The following FAM227B variants were observed in gnomAD, a reference collection of about 807,000 sequenced individuals.
The protein encoded by FAM227B is protein FAM227B.
In FAM227B, 88 loss-of-function variants were observed where a neutral mutation model predicts 73.8. That is an observed-to-expected ratio of 1.19 (90% CI 1.00 to 1.42). The LOEUF (loss-of-function observed/expected upper bound fraction) is 1.42. Among genes scored for constraint, FAM227B ranks in the 40% most tolerant of loss-of-function variants. The pLI, the probability that FAM227B is intolerant of heterozygous loss-of-function variation, is 0.00. For missense variants in FAM227B, 632 were observed against 590.9 expected, an observed-to-expected ratio of 1.07 and a Z score of -0.72; for synonymous variants, 210 against 190.5, an observed-to-expected ratio of 1.10 and a Z score of -0.84.
chr15:49,516,464 T>C (rs1359482226), intron 10 of FAM227B, among the ~76,000 whole-genome samples: 1 of 151,982 alleles, frequency 6.6e-6, no homozygotes, highest in African/African-American at 2.4e-5. Context: ...AGATTTTGGA[T>C]TGGTGCCTAC....
intron 12 of FAM227B, among the ~76,000 whole-genome samples, chr15:49,368,678 G>A (rs144936456): frequency 2.0e-4 from 30 of 152,232 alleles, no homozygotes; most frequent in African/African-American, 6.3e-4. Flanking sequence ...ACTAGCCCAA[G>A]CTCAGTTTAG....
chr15:49,585,250 T>C (rs905656109), intron 5 of FAM227B, among the ~76,000 whole-genome samples: 2 of 152,192 alleles, frequency 1.3e-5, no homozygotes, highest in Non-Finnish European at 2.9e-5. Context: ...GTGGGGACTG[T>C]AAACTAGTTC....
At chr15:49,378,247 T>C (rs183280142) in intron 11 of FAM227B, among the ~76,000 whole-genome samples, 1 of 151,970 alleles carries the variant, frequency 6.6e-6, no homozygotes, top group African/African-American at 2.4e-5. Context: ...TACCATGCTG[T>C]TTTGGTTCCT....
intron 3 of FAM227B, among the ~76,000 whole-genome samples, chr15:49,591,018 C>CTT (rs2076496160): frequency 8.1e-6 from 1 of 123,212 alleles, no homozygotes; most frequent in East Asian, 3.0e-4. Flanking sequence ...CTTTCTCTTT[C>CTT]TCTTTTTTTT....
Position 49,615,123 on chromosome 15 carries a change from C to T in FAM227B, c.49G>A (p.Gly17Arg), listed in dbSNP as rs144125881. ...CQRRSSRAGP[G>R]KMQEPPKSIE... ...TAAAGCTGTGGAAGCTTCCTTACCC[C>T]GGGGCCAGCTCTGCTGCTCCTCCTT... is the stretch of plus-strand genomic sequence containing the variant. Residue 17 changes from glycine (G) to arginine (R), a missense_variant and splice_region_variant, in exon 2 of 16, where the codon GGG becomes AGG. Transcript: ENST00000299338. 147 of 1,613,798 alleles carry T rather than the reference C, an allele frequency of 9.1e-5. 1 individual carries two copies. The highest frequency in any genetic ancestry group is 1.7e-4 in the Middle Eastern group (1 of 6,060).
chr15:49,568,230 A>G lies in FAM227B; in HGVS notation c.747+15T>C, dbSNP rs746627220. ...TTTAAAAATAATTAGCATAACTGTT[A>G]ATTTCAATGCTTACCTGAAAAAATG... On this transcript the variant is annotated intron_variant, in intron 9 of 15. Coordinates refer to ENST00000299338, the MANE Select transcript of FAM227B (RefSeq NM_152647.3). 7.8e-5 allele frequency: 123 copies of G among 1,575,656 alleles called. No individual in the cohort carries two copies. The highest frequency in any genetic ancestry group is 9.6e-5 in the Non-Finnish European group (111 of 1,152,022).
intron 11 of FAM227B, among the ~76,000 whole-genome samples, chr15:49,455,366 A>G (rs758658384): frequency 1.3e-5 from 2 of 152,224 alleles, no homozygotes; most frequent in Non-Finnish European, 2.9e-5. Context: ...TTTTAAGAAT[A>G]TCTACTTCAT....
intron 13 of FAM227B, among the ~76,000 whole-genome samples, chr15:49,351,945 A>G (rs1168571052): frequency 6.6e-6 from 1 of 152,214 alleles, no homozygotes; most frequent in Non-Finnish European, 1.5e-5. Flanking sequence ...ACTCTAATTT[A>G]TATTATTACC....
chr15:49,470,029 T>A (rs950548540), intron 11 of FAM227B, among the ~76,000 whole-genome samples: 2 of 152,172 alleles, frequency 1.3e-5, no homozygotes, highest in African/African-American at 4.8e-5. Flanking sequence ...CTTTAACATA[T>A]TTCTTAATTC....
chr15:49,613,804 A>T (rs2078111875), intron 2 of FAM227B, among the ~76,000 whole-genome samples: 1 of 152,160 alleles, frequency 6.6e-6, no homozygotes, highest in Non-Finnish European at 1.5e-5. Flanking sequence ...AAGGAAAGCA[A>T]ATGTTTAGAC....
At chr15:49,608,887 A>T (rs1403507873) in intron 3 of FAM227B, among the ~76,000 whole-genome samples, 1 of 152,006 alleles carries the variant, frequency 6.6e-6, no homozygotes, top group African/African-American at 2.4e-5. Context: ...AATCAAAAGT[A>T]TAATATATAA....
chr15:49,496,968 G>A (rs1019746936), intron 11 of FAM227B, among the ~76,000 whole-genome samples: 19 of 151,344 alleles, frequency 1.3e-4, no homozygotes, highest in Admixed American at 6.6e-5. Flanking sequence ...CAGCTATAGA[G>A]AAAGAGGAGT....
At chr15:49,581,849 T>C (rs73404187) in intron 5 of FAM227B, among the ~76,000 whole-genome samples, 9,046 of 152,042 alleles carry the variant, frequency 0.059, 971 homozygotes, top group African/African-American at 0.21. Context: ...CCAGTGACAC[T>C]AAAAAGTACC....
intron 11 of FAM227B, among the ~76,000 whole-genome samples, chr15:49,395,128 T>A (rs1456613099): frequency 6.6e-6 from 1 of 152,194 alleles, no homozygotes; most frequent in African/African-American, 2.4e-5. Flanking sequence ...TACTTACCAA[T>A]GTCTTCTTCC....
At chr15:49,353,597 G>A (rs534796638) in intron 13 of FAM227B, 9 of 147,292 alleles carry the variant, frequency 6.1e-5, no homozygotes, top group Non-Finnish European at 1.0e-4. Flanking sequence ...AATTTTTGAA[G>A]TTGAAGGAAA....
intron 2 of FAM227B, chr15:49,614,653 AACT>A: frequency 6.5e-6 from 1 of 153,946 alleles, no homozygotes; most frequent in South Asian, 2.0e-4. Flanking sequence ...TTTCCCAGAA[AACT>A]AACCATCAGG....
chr15:49,501,389 G>T (rs371143440), intron 11 of FAM227B, among the ~76,000 whole-genome samples: 3 of 152,332 alleles, frequency 2.0e-5, no homozygotes, highest in African/African-American at 7.2e-5. Context: ...GGTCATCTGT[G>T]TTGTGCCTTA....
rs1447133830 is a variant in FAM227B at position 49,615,125 on chromosome 15, G to A, written c.47C>T (p.Pro16Leu). The part of the protein sequence containing the change: ...TCQRRSSRAG[P>L]GKMQEPPKSI... ...AAGCTGTGGAAGCTTCCTTACCCCG[G>A]GGCCAGCTCTGCTGCTCCTCCTTTG... is the stretch of plus-strand genomic sequence containing the variant. Residue 16 changes from proline (P) to leucine (L), a missense_variant, in exon 2 of 16, where the codon CCC becomes CTC. Transcript: ENST00000299338. The A allele has an allele frequency of 6.2e-7, 1 of 1,613,918 alleles. No individual in the cohort carries two copies. The highest frequency in any genetic ancestry group is 1.7e-5 in the Admixed American group (1 of 60,024).
chr15:49,607,356 A>G (rs2077587232), intron 3 of FAM227B, among the ~76,000 whole-genome samples: 1 of 152,150 alleles, frequency 6.6e-6, no homozygotes, highest in South Asian at 2.1e-4. Flanking sequence ...GTTTTCCAGC[A>G]TTGAAATCTG....
Sources: allele counts gnomAD v4.1 joint callset (sites outside exome capture counted in the v4.1 genomes callset), GRCh38; gene constraint gnomAD v4.1.1; transcripts MANE v1.5; gene names NCBI Gene and HGNC (gene_info 2026-07-23, HGNC 2026-07-21).